Variants in FKBP5 observed in about 807,000 individuals in gnomAD.
The protein encoded by FKBP5 is FKBP prolyl isomerase 5, also known as peptidyl-prolyl cis-trans isomerase FKBP5.
In FKBP5, 23 loss-of-function variants were observed where a neutral mutation model predicts 50.5. That is an observed-to-expected ratio of 0.46 (90% confidence interval 0.33 to 0.65). FKBP5 has a LOEUF of 0.65. Among genes scored for constraint, FKBP5 ranks in the 30% least tolerant of loss-of-function variants. The probability of loss-of-function intolerance (pLI) is 0.02; values close to 1 mark genes in which losing one functional copy is unlikely to be tolerated. For missense variants in FKBP5, 411 were observed against 553.1 expected (o/e 0.74, Z 2.58); for synonymous variants, 176 against 190.6 (o/e 0.92, Z 0.63).
chr6:35,636,023 T>TAA (rs1764300544), intron 3 of FKBP5, among the ~76,000 whole-genome samples: 1 of 152,244 alleles, frequency 6.6e-6, no homozygotes, highest in Admixed American at 6.5e-5. Context: ...TTCATACTGT[T>TAA]ACATTAAAAT....
intron 2 of FKBP5, among the ~76,000 whole-genome samples, chr6:35,714,316 G>T: frequency 2.6e-5 from 1 of 37,940 alleles, no homozygotes; most frequent in Non-Finnish European, 5.3e-5. Flanking sequence ...GCCGGGCGTG[G>T]TGGCATGTGC....
chr6:35,697,042 A>G (rs1221626645), intron 2 of FKBP5, among the ~76,000 whole-genome samples: 4 of 152,222 alleles, frequency 2.6e-5, no homozygotes, highest in Non-Finnish European at 5.9e-5. Context: ...AAAATTTTCA[A>G]TATAAAATTA....
At chr6:35,640,312 C>A (rs1764446232) in intron 2 of FKBP5, among the ~76,000 whole-genome samples, 1 of 152,132 alleles carries the variant, frequency 6.6e-6, no homozygotes, top group African/African-American at 2.4e-5. Flanking sequence ...CTGAATACTG[C>A]AGGCAATTGT....
At chr6:35,589,909 C>G (rs932429877) in intron 7 of FKBP5, among the ~76,000 whole-genome samples, 1 of 152,192 alleles carries the variant, frequency 6.6e-6, no homozygotes, top group African/African-American at 2.4e-5. Context: ...CAGGCCTCCC[C>G]TCACTTTCTT....
chr6:35,610,641 G>C (rs1763464629), intron 5 of FKBP5, among the ~76,000 whole-genome samples: 1 of 149,832 alleles, frequency 6.7e-6, no homozygotes, highest in Non-Finnish European at 1.5e-5. Flanking sequence ...AACACTTGGA[G>C]TCTTTTGAGG....
intron 5 of FKBP5, among the ~76,000 whole-genome samples, chr6:35,609,766 C>T (rs1763434658): frequency 6.6e-6 from 1 of 152,124 alleles, no homozygotes; most frequent in Non-Finnish European, 1.5e-5. Context: ...CTCTTCAACC[C>T]TTCCTCTGAG....
At chr6:35,585,926 A>G in intron 8 of FKBP5, 2 of 984,786 alleles carry the variant, frequency 2.0e-6, no homozygotes, top group Non-Finnish European at 2.4e-6. Context: ...ATTTGGATTA[A>G]CATTGCCACT....
intron 8 of FKBP5, chr6:35,582,126 TC>T: frequency 3.0e-6 from 3 of 985,256 alleles, no homozygotes; most frequent in Non-Finnish European, 2.4e-6. Context: ...CCAGGCTACA[TC>T]CCTCGAACAT....
Position 35,575,420 on chromosome 6 carries a change from G to A in FKBP5, c.*415C>T, listed in dbSNP as rs1353276855. The stretch of plus-strand genomic sequence containing the variant: ...CCTTCCCCTACCCTACCCAACTGTA[G>A]GAAAGGAGAAATTCATGAAGCATTT... On this transcript the variant is annotated 3_prime_UTR_variant, in exon 11 of 11. Coordinates refer to ENST00000357266, the MANE Select transcript of FKBP5 (RefSeq NM_004117.4). The A allele has an allele frequency of 6.0e-6, 1 of 166,358 alleles. No homozygotes were observed. The highest frequency in any genetic ancestry group is 1.3e-5 in the Non-Finnish European group (1 of 75,608). 10.3% of individuals were successfully genotyped at this position (166,358 alleles called of 1,614,324 possible).
rs1456251385 is a variant in FKBP5, at chr6:35,637,176, T to A, written c.106-18A>T. The A allele has an allele frequency of 6.3e-7, 1 of 1,598,708 alleles. No homozygotes were observed. The highest frequency in any genetic ancestry group is 8.5e-7 in the Non-Finnish European group (1 of 1,176,628). ...TTGACAATCTAGAAAAGACAAACAT[T>A]AAGAAAAAGGAGGTCAAACTTTTTA... On this transcript the variant is annotated intron_variant, in intron 2 of 10. Transcript: ENST00000357266.
At chr6:35,699,904 A>G (rs1311385553) in intron 2 of FKBP5, among the ~76,000 whole-genome samples, 2 of 151,982 alleles carry the variant, frequency 1.3e-5, no homozygotes, top group Admixed American at 6.6e-5. Context: ...AAAATTAGCC[A>G]GGTGTGGTGG....
chr6:35,719,519 T>C (rs770897555), intron 2 of FKBP5, among the ~76,000 whole-genome samples: 10 of 152,178 alleles, frequency 6.6e-5, no homozygotes, highest in Admixed American at 2.6e-4. Flanking sequence ...AAGATACACA[T>C]ACAGAAAAAT....
intron 1 of FKBP5, among the ~76,000 whole-genome samples, chr6:35,684,060 T>A (rs910221743): frequency 3.3e-5 from 5 of 151,910 alleles, no homozygotes; most frequent in African/African-American, 1.2e-4. Flanking sequence ...TCTCAAAAAA[T>A]AATAATAATA....
At chr6:35,632,028 T>C (rs1279777333) in intron 3 of FKBP5, among the ~76,000 whole-genome samples, 2 of 151,488 alleles carry the variant, frequency 1.3e-5, no homozygotes, top group Admixed American at 6.6e-5. Context: ...TCCATTTTAG[T>C]GAAAATATAT....
rs117421156 is a variant in FKBP5 at position 35,681,533 on chromosome 6, A to C, written c.-20+7271T>G. Among the ~76,000 whole-genome samples, 10 of 152,276 alleles carry C rather than the reference A, an allele frequency of 6.6e-5. No homozygotes were observed. The East Asian group carries it at 1.5e-3, about 23-fold the overall frequency. On this transcript the variant is annotated intron_variant, in intron 1 of 10. Transcript: ENST00000357266. ...TAAATGGCATCATAAACACTTATAC[A>C]TACTCATCTGTGCCTGGCTTCTCTT... is the stretch of plus-strand genomic sequence containing the variant.
At chr6:35,640,006 A>G (rs1240644496) in intron 2 of FKBP5, among the ~76,000 whole-genome samples, 1 of 152,262 alleles carries the variant, frequency 6.6e-6, no homozygotes. Context: ...ATTCACTTAT[A>G]AGATGGAAGA....
intron 1 of FKBP5, among the ~76,000 whole-genome samples, chr6:35,666,136 T>A (rs1765208490): frequency 6.6e-6 from 1 of 152,126 alleles, no homozygotes; most frequent in African/African-American, 2.4e-5. Context: ...CAAGCTACTA[T>A]GACAAGGATT....
chr6:35,636,310 G>A (rs921775690), intron 3 of FKBP5, among the ~76,000 whole-genome samples: 3 of 152,228 alleles, frequency 2.0e-5, no homozygotes, highest in African/African-American at 2.4e-5. Context: ...AAAAAACATT[G>A]TCAGTTGTTT....
intron 1 of FKBP5, among the ~76,000 whole-genome samples, chr6:35,683,127 T>TATATATATACACATATAC (rs1561893444): frequency 1.9e-4 from 4 of 20,766 alleles, no homozygotes; most frequent in East Asian, 8.4e-4. Flanking sequence ...TATATGTGTG[T>TATATATATACACATATAC]GTGTGTGTGT....
Sources: gnomAD v4.1 joint callset for allele counts (sites outside exome capture counted in the v4.1 genomes callset) on GRCh38, gnomAD v4.1.1 for gene constraint, MANE v1.5 for transcripts, NCBI Gene and HGNC (gene_info 2026-07-23, HGNC 2026-07-21) for gene names.